TDRD3: variants seen among roughly 807,000 people sequenced by gnomAD.
TDRD3 encodes the protein tudor domain-containing protein 3.
Under a neutral mutation model 86.7 loss-of-function variants are expected in TDRD3, and 45 were observed. That is an observed-to-expected ratio of 0.52 (90% CI 0.41 to 0.67). The LOEUF (loss-of-function observed/expected upper bound fraction) is 0.67, where lower values mean the gene tolerates loss of function less well. Ranked by LOEUF, TDRD3 falls within the 30% of genes least tolerant of loss-of-function variation. The probability of loss-of-function intolerance (pLI) is 0.00; values close to 1 mark genes in which losing one functional copy is unlikely to be tolerated. For synonymous variants in TDRD3, 298 were observed against 301.7 expected, an observed-to-expected ratio of 0.99 and a Z score of 0.13; for missense variants, 814 against 889.0, an observed-to-expected ratio of 0.92 and a Z score of 1.07.
intron 12 of TDRD3, among the ~76,000 whole-genome samples, chr13:60,542,020 C>T (rs1957828909): frequency 6.6e-6 from 1 of 152,064 alleles, no homozygotes; most frequent in African/African-American, 2.4e-5. Context: ...AGCCACCGCA[C>T]CTGGCCTCCT....
chr13:60,563,557 C>T (rs1474984337), intron 12 of TDRD3, among the ~76,000 whole-genome samples: 2 of 152,278 alleles, frequency 1.3e-5, no homozygotes, highest in Non-Finnish European at 2.9e-5. Context: ...CTGTCCTGTG[C>T]ATTGTAGGAT....
intron 1 of TDRD3, among the ~76,000 whole-genome samples, chr13:60,406,430 T>TA (rs930885559): frequency 2.1e-4 from 32 of 152,358 alleles, no homozygotes; most frequent in African/African-American, 7.5e-4. Flanking sequence ...TATATTTTGT[T>TA]AAAATAATTA....
chr13:60,510,701 C>G lies in TDRD3; in HGVS notation c.1087C>G (p.Pro363Ala). 1 of 1,601,628 alleles carries G rather than the reference C, an allele frequency of 6.2e-7. No individual in the cohort carries two copies. Among genetic ancestry groups the G allele is most frequent in the Non-Finnish European group, 8.5e-7 (1 of 1,174,406 alleles). The change falls in exon 10 of 14, where the codon CCA (proline) becomes GCA (alanine). Residue 363 changes from proline to alanine, a missense_variant. By Grantham distance (27) the Pro-to-Ala change is conservative (BLOSUM62 -1). Coordinates refer to ENST00000377881, the MANE Select transcript of TDRD3 (RefSeq NM_001146070.2). ...CCTGGGAAATGCAAGGCCATCAGCA[C>G]CAAGCACATTATTTGATTTCTTGGA... ...EDLGNARPSA[P>A]STLFDFLESK...
intron 13 of TDRD3, among the ~76,000 whole-genome samples, chr13:60,570,933 CAA>C (rs1958572997): frequency 1.3e-5 from 2 of 152,272 alleles, no homozygotes; most frequent in East Asian, 3.9e-4. Flanking sequence ...TTATCCATAT[CAA>C]ATAACAACGC....
chr13:60,534,987 G>T, intron 11 of TDRD3, 121 bp from the exon 12 acceptor site: 1 of 1,075,024 alleles, frequency 9.3e-7, no homozygotes, highest in Non-Finnish European at 1.3e-6. Context: ...GGTTCCAAAG[G>T]TAAGTTTCCT....
intron 4 of TDRD3, 125 bp downstream of exon 4, chr13:60,460,665 A>G: frequency 1.2e-6 from 1 of 858,686 alleles, no homozygotes; most frequent in South Asian, 2.3e-5. Flanking sequence ...TTTCAGATGA[A>G]ATTATAGAGC....
chr13:60,401,734 CCTT>C (rs533854614), intron 1 of TDRD3, among the ~76,000 whole-genome samples: 1 of 152,134 alleles, frequency 6.6e-6, no homozygotes, highest in African/African-American at 2.4e-5. Flanking sequence ...ACAAAGGTCT[CCTT>C]CTTACCTCTT....
At chr13:60,414,188 A>G (rs1472845613) in intron 1 of TDRD3, among the ~76,000 whole-genome samples, 3 of 152,110 alleles carry the variant, frequency 2.0e-5, no homozygotes, top group Non-Finnish European at 2.9e-5. Flanking sequence ...AAGTCCAGAT[A>G]CATTTTTTTT....
intron 5 of TDRD3, among the ~76,000 whole-genome samples, chr13:60,468,435 A>T (rs1034812360): frequency 3.3e-5 from 5 of 152,124 alleles, no homozygotes; most frequent in African/African-American, 4.8e-5. Flanking sequence ...TGAATTCTTT[A>T]AACATTTTAT....
chr13:60,436,396 A>T (rs1955107192), intron 1 of TDRD3, among the ~76,000 whole-genome samples: 1 of 152,132 alleles, frequency 6.6e-6, no homozygotes, highest in South Asian at 2.1e-4. Flanking sequence ...TAGAATTTTC[A>T]TGATTTCAGG....
chr13:60,552,375 G>T (rs1205336449), intron 12 of TDRD3, among the ~76,000 whole-genome samples: 1 of 152,242 alleles, frequency 6.6e-6, no homozygotes, highest in Non-Finnish European at 1.5e-5. Flanking sequence ...TTGACTCCAT[G>T]TCTTACATCC....
intron 7 of TDRD3, among the ~76,000 whole-genome samples, chr13:60,491,045 C>G (rs1199446286): frequency 2.1e-5 from 3 of 145,566 alleles, no homozygotes; most frequent in African/African-American, 7.7e-5. Flanking sequence ...TGAACCCAGG[C>G]AGAGGTTGTG....
At chr13:60,566,264 T>C (rs964005384) in intron 12 of TDRD3, among the ~76,000 whole-genome samples, 18 of 140,056 alleles carry the variant, frequency 1.3e-4, no homozygotes, top group Non-Finnish European at 2.5e-4. Flanking sequence ...ATAATAGTTC[T>C]TTTTTTTTTT....
chr13:60,508,088 A>G (rs1956976913), intron 8 of TDRD3, among the ~76,000 whole-genome samples: 1 of 152,208 alleles, frequency 6.6e-6, no homozygotes. Context: ...TTCAAGGAGA[A>G]CTAGAAACCA....
At chr13:60,459,690 G>A (rs1179414355) in intron 3 of TDRD3, among the ~76,000 whole-genome samples, 1 of 152,122 alleles carries the variant, frequency 6.6e-6, no homozygotes, top group Admixed American at 6.5e-5. Flanking sequence ...GCTTGATCTC[G>A]GCTCACTGCA....
intron 12 of TDRD3, among the ~76,000 whole-genome samples, chr13:60,565,764 ATGT>A (rs1374452667): frequency 6.6e-6 from 1 of 152,190 alleles, no homozygotes; most frequent in African/African-American, 2.4e-5. Context: ...AGAGTTTCAA[ATGT>A]TGTCATTTGT....
At chr13:60,404,311 CTT>C (rs750395505) in intron 1 of TDRD3, among the ~76,000 whole-genome samples, 3 of 135,462 alleles carry the variant, frequency 2.2e-5, no homozygotes, top group Non-Finnish European at 1.6e-5. Context: ...GGTTTGTTTG[CTT>C]TTTTTTTTTT....
chr13:60,518,512 T>C (rs567617310), intron 10 of TDRD3, among the ~76,000 whole-genome samples: 48 of 152,262 alleles, frequency 3.2e-4, no homozygotes, highest in African/African-American at 1.1e-3. Flanking sequence ...TCACCTAGAA[T>C]TGTGATTTAA....
At chr13:60,451,344 G>A (rs1955535619) in intron 3 of TDRD3, among the ~76,000 whole-genome samples, 1 of 152,194 alleles carries the variant, frequency 6.6e-6, no homozygotes, top group South Asian at 2.1e-4. Flanking sequence ...AGTAGTGGCT[G>A]CAGGAGTGCC....
Sources: allele counts gnomAD v4.1 joint callset (sites outside exome capture counted in the v4.1 genomes callset), GRCh38; gene constraint gnomAD v4.1.1; transcripts MANE v1.5; gene names NCBI Gene and HGNC (gene_info 2026-07-23, HGNC 2026-07-21).